The following FAM177B variants were observed in gnomAD, a reference collection of about 807,000 sequenced individuals.
FAM177B encodes protein FAM177B.
Under a neutral mutation model 16.1 loss-of-function variants are expected in FAM177B, and 16 were observed. That is an observed-to-expected ratio of 0.99 (90% CI 0.67 to 1.51). The LOEUF (loss-of-function observed/expected upper bound fraction) is 1.51, where lower values mean the gene tolerates loss of function less well. FAM177B is among the 40% of genes most tolerant of loss of function. The pLI, the probability that FAM177B is intolerant of heterozygous loss-of-function variation, is 0.00. For missense variants in FAM177B, 178 were observed against 183.7 expected (o/e 0.97, Z 0.18); for synonymous variants, 56 against 59.9 (o/e 0.93, Z 0.30).
In FAM177B at chr1:222,738,019, G is replaced by C. The variant is rs1658358760; in HGVS notation, c.-18G>C. ...AGATGAGAAGGCTGCCAGAAGAGTA[G>C]AGGTAAATGTGTGAGTATGTGTGTG... On this transcript the variant is annotated splice_region_variant and 5_prime_UTR_variant, in exon 2 of 6. It removes the in-frame stop codon of an upstream open reading frame in the 5' UTR. Transcript: ENST00000445590. 1.3e-5 allele frequency: 2 copies of C among 152,246 alleles called. No individual in the cohort carries two copies. Among genetic ancestry groups the C allele is most frequent in the Admixed American group, 1.3e-4 (2 of 15,268 alleles). The allele number at this position is 152,246 out of a possible 1,614,324, so 9.4% of individuals were successfully genotyped here.
At chr1:222,749,400 A>G in intron 4 of FAM177B, 65 bp from the exon 5 acceptor site, 1 of 878,602 alleles carries the variant, frequency 1.1e-6, no homozygotes, top group Non-Finnish European at 1.9e-6. Flanking sequence ...AACTCTGGGC[A>G]TCTCAACTGA....
intron 2 of FAM177B, among the ~76,000 whole-genome samples, chr1:222,744,787 G>T (rs1658716620): frequency 6.6e-6 from 1 of 152,130 alleles, no homozygotes; most frequent in Non-Finnish European, 1.5e-5. Flanking sequence ...GCTTTATTAA[G>T]ATATACCTTA....
intron 4 of FAM177B, chr1:222,749,057 T>G (rs1296922614): frequency 2.1e-6 from 1 of 472,322 alleles, no homozygotes; most frequent in South Asian, 1.6e-5. Flanking sequence ...GAATTCCTGA[T>G]GTGGGTCTTG....
chr1:222,749,063 T>G (rs746700560), intron 4 of FAM177B: 4 of 472,236 alleles, frequency 8.5e-6, no homozygotes, highest in South Asian at 6.2e-5. Context: ...CTGATGTGGG[T>G]CTTGGTAACA....
At chr1:222,740,042 C>T (rs1229762495) in intron 2 of FAM177B, among the ~76,000 whole-genome samples, 1 of 152,152 alleles carries the variant, frequency 6.6e-6, no homozygotes, top group African/African-American at 2.4e-5. Context: ...TGAGGCTTTT[C>T]TGTGATACAC....
rs1658990640 is a variant in FAM177B at position 222,750,150 on chromosome 1, A to G, written c.*92A>G. On this transcript the variant is annotated 3_prime_UTR_variant, in exon 6 of 6. Coordinates refer to ENST00000445590, the MANE Select transcript of FAM177B (RefSeq NM_001394345.1). ...CCCTGGATCTGTTCCTTGGCCATTG[A>G]TTACCATGGCAACAACACCAGAGGT... 3 of 1,538,164 alleles carry G rather than the reference A, an allele frequency of 2.0e-6. No individual in the cohort carries two copies. Among genetic ancestry groups the G allele is most frequent in the Admixed American group, 4.3e-5 (2 of 46,486 alleles).
At position 222,747,456 on chromosome 1, in the gene FAM177B, AC is replaced by A. The variant is rs951942730; in HGVS notation, c.241+376del. 4 of 181,618 alleles carry A rather than the reference AC, an allele frequency of 2.2e-5. 1 individual carries two copies. The East Asian group carries it at 4.4e-4, about 20-fold the overall frequency. 11.3% of individuals were successfully genotyped at this position (181,618 alleles called of 1,614,324 possible). ...CTGAATAAACTTCCAAGTTAAAAAA[AC>A]AATGATTGTTGTATGACACAGTTCT... On this transcript the variant is annotated intron_variant, in intron 4 of 5. Transcript: ENST00000445590.
chr1:222,740,574 G>A (rs1043878455), intron 2 of FAM177B, among the ~76,000 whole-genome samples: 11 of 152,074 alleles, frequency 7.2e-5, no homozygotes, highest in African/African-American at 2.4e-4. Flanking sequence ...ACTTCACAAC[G>A]TATCTTATCC....
At chr1:222,748,761 C>T (rs760025308) in intron 4 of FAM177B, among the ~76,000 whole-genome samples, 35 of 152,220 alleles carry the variant, frequency 2.3e-4, no homozygotes, top group Non-Finnish European at 4.4e-4. Flanking sequence ...TATTTAAAAA[C>T]AGCATCATTT....
intron 2 of FAM177B, among the ~76,000 whole-genome samples, chr1:222,745,658 A>G (rs1658761529): frequency 6.6e-6 from 1 of 151,950 alleles, no homozygotes; most frequent in Non-Finnish European, 1.5e-5. Flanking sequence ...ACAGTGGCTC[A>G]TGCCTATAAT....
rs76010140 is a variant in FAM177B, at chr1:222,737,637, T to C, written c.-133-267T>C. ...CTCGTAGGGGTTAGGTATACAGCCT[T>C]GTAGGCCATTATGAGGAGTTTGGCT... On this transcript the variant is annotated intron_variant, in intron 1 of 5. Coordinates refer to ENST00000445590, the MANE Select transcript of FAM177B (RefSeq NM_001394345.1). Among the ~76,000 whole-genome samples the C allele has an allele frequency of 5.1e-3, 782 of 152,248 alleles. 5 individuals are homozygous for C. The highest frequency in any genetic ancestry group is 0.037 in the Middle Eastern group (11 of 294).
chr1:222,750,449 C>A lies in FAM177B; in HGVS notation c.*391C>A. 1 of 997,264 alleles carries A rather than the reference C, an allele frequency of 1.0e-6. No individual in the cohort carries two copies. The highest frequency in any genetic ancestry group is 1.2e-6 in the Non-Finnish European group (1 of 838,298). 61.8% of individuals were successfully genotyped at this position (997,264 alleles called of 1,614,324 possible). On this transcript the variant is annotated 3_prime_UTR_variant, in exon 6 of 6. Coordinates refer to ENST00000445590, the MANE Select transcript of FAM177B (RefSeq NM_001394345.1). ...GGTACAGTAAAGAAGCTCTATTCCT[C>A]AGAAGAAAATTTGGGCACCGCAAAG...
chr1:222,742,234 A>C (rs1312703047), intron 2 of FAM177B, among the ~76,000 whole-genome samples: 1 of 152,084 alleles, frequency 6.6e-6, no homozygotes, highest in Non-Finnish European at 1.5e-5. Flanking sequence ...CATAAATTAT[A>C]CTGTATTGTC....
chr1:222,745,109 A>G (rs898612493), intron 2 of FAM177B, among the ~76,000 whole-genome samples: 4 of 152,120 alleles, frequency 2.6e-5, no homozygotes, highest in African/African-American at 9.7e-5. Context: ...TTCATTGTTT[A>G]TTACTTTTAA....
rs1207066642 is a variant in FAM177B, at chr1:222,741,820, TTTC to T, written c.-16+3802_-16+3804del. 1.0e-3 allele frequency among the ~76,000 whole-genome samples: 149 copies of T among 149,678 alleles called. 1 individual carries two copies. The highest frequency in any genetic ancestry group is 3.3e-3 in the African/African-American group (136 of 40,896). ...TCTTTCTCTCTTTCTTTCTTCTTTCTTTCTTTTTTCTTTCTTTCTTTTTTCCTT... is the reference window on the plus strand; with the variant it reads ...TCTTTCTCTCTTTCTTTCTTCTTTCTTTTTTTCTTTCTTTCTTTTTTCCTT... On this transcript the variant is annotated intron_variant, in intron 2 of 5. Transcript: ENST00000445590.
chr1:222,743,266 G>C (rs1236672077), intron 2 of FAM177B, among the ~76,000 whole-genome samples: 1 of 151,998 alleles, frequency 6.6e-6, no homozygotes, highest in Non-Finnish European at 1.5e-5. Context: ...TAGTGCCTCA[G>C]CTTCCCAAGT....
In FAM177B at chr1:222,749,964, C is replaced by T. The variant is rs761631057; in HGVS notation, c.383C>T (p.Ala128Val). 1 of 1,614,012 alleles carries T rather than the reference C, an allele frequency of 6.2e-7. No individual in the cohort carries two copies. The highest frequency in any genetic ancestry group is 8.5e-7 in the Non-Finnish European group (1 of 1,179,908). Residue 128 changes from alanine to valine, a missense_variant, in exon 6 of 6, where the codon GCA becomes GTA. Coordinates refer to ENST00000445590, the MANE Select transcript of FAM177B (RefSeq NM_001394345.1). ...KSERRGSKAQ[A>V]AEVPNEKCHL... ...GAAAGGAGAGGATCAAAGGCCCAGG[C>T]AGCTGAGGTTCCTAATGAAAAGTGT...
In FAM177B at chr1:222,744,666, G is replaced by A. The variant is rs549392850; in HGVS notation, c.-15-1865G>A. Among the ~76,000 whole-genome samples, 42 of 152,100 alleles carry A rather than the reference G, an allele frequency of 2.8e-4. 1 individual carries two copies. The South Asian group carries it at 7.1e-3, about 26-fold the overall frequency. Reference sequence around the variant, plus strand: ...TTTACTCTTCATTACAATTTTATAAGGTTGGCACTATATCATTTCATACTA... The same window carrying A: ...TTTACTCTTCATTACAATTTTATAAAGTTGGCACTATATCATTTCATACTA... On this transcript the variant is annotated intron_variant, in intron 2 of 5. Coordinates refer to ENST00000445590, the MANE Select transcript of FAM177B (RefSeq NM_001394345.1).
In FAM177B at chr1:222,746,607, C is replaced by G. The variant is rs1312018991; in HGVS notation, c.62C>G (p.Thr21Ser). 2 of 1,610,994 alleles carry G rather than the reference C, an allele frequency of 1.2e-6. No individual in the cohort carries two copies. The highest frequency in any genetic ancestry group is 1.1e-5 in the South Asian group (1 of 90,996). The change falls in exon 3 of 6, where the codon ACT becomes AGT. Residue 21 changes from threonine (T) to serine (S), a missense_variant. Transcript: ENST00000445590. ...LEKSVPSKKT[T>S]PKRIIHFVDG... Reference sequence around the variant, plus strand: ...AAGAGTGTACCTTCCAAAAAGACTACTCCTAAAAGGATTATCCATTTTGTT... The same window carrying G: ...AAGAGTGTACCTTCCAAAAAGACTAGTCCTAAAAGGATTATCCATTTTGTT...
Sources: gnomAD v4.1 joint callset for allele counts (sites outside exome capture counted in the v4.1 genomes callset) on GRCh38, gnomAD v4.1.1 for gene constraint, MANE v1.5 for transcripts, NCBI Gene and HGNC (gene_info 2026-07-23, HGNC 2026-07-21) for gene names.